ASCC3: variants seen among roughly 807,000 people sequenced by gnomAD.
The protein encoded by ASCC3 is activating signal cointegrator 1 complex subunit 3.
Under a neutral mutation model 256.3 loss-of-function variants are expected in ASCC3, and 158 were observed. That is an observed-to-expected ratio of 0.62 (90% CI 0.54 to 0.70). The LOEUF is 0.70. Among genes scored for constraint, ASCC3 ranks in the 30% least tolerant of loss-of-function variants. The pLI, the probability that ASCC3 is intolerant of heterozygous loss-of-function variation, is 0.00. For missense variants in ASCC3, 2,259 were observed against 2,626.0 expected (o/e 0.86, Z 3.05); for synonymous variants, 948 against 883.4 (o/e 1.07, Z -1.30).
At chr6:100,676,543 C>A (rs1435844194) in intron 14 of ASCC3, among the ~76,000 whole-genome samples, 4 of 152,158 alleles carry the variant, frequency 2.6e-5, no homozygotes, top group African/African-American at 9.7e-5. Flanking sequence ...CTTTCCTTTC[C>A]TTTCCCTACA....
At chr6:100,725,495 A>G (rs368933337) in intron 11 of ASCC3, 44 bp downstream of exon 11, 2 of 1,594,050 alleles carry the variant, frequency 1.3e-6, no homozygotes, top group African/African-American at 1.3e-5. Context: ...GTTGAAAAAC[A>G]TATTTATCCC....
chr6:100,766,777 C>G, intron 9 of ASCC3, 72 bp from the exon 10 acceptor site: 1 of 1,556,886 alleles, frequency 6.4e-7, no homozygotes, highest in East Asian at 2.2e-5. Flanking sequence ...GTAGCCAATA[C>G]AAGTCACAAT....
chr6:100,712,697 G>A (rs1178425734), intron 13 of ASCC3, among the ~76,000 whole-genome samples: 1 of 150,384 alleles, frequency 6.6e-6, no homozygotes, highest in Non-Finnish European at 1.5e-5. Context: ...AGATAGTTTG[G>A]TAGTTTTTTA....
chr6:100,768,307 G>C (rs1474823718), intron 8 of ASCC3, among the ~76,000 whole-genome samples: 4 of 151,970 alleles, frequency 2.6e-5, no homozygotes, highest in Non-Finnish European at 5.9e-5. Context: ...AAGAAACTAA[G>C]ACACAGAGCG....
intron 37 of ASCC3, chr6:100,530,557 C>T: frequency 2.6e-6 from 2 of 784,020 alleles, no homozygotes; most frequent in Admixed American, 3.4e-5. Context: ...GATGGCCTGG[C>T]ACTCAATCCA....
intron 3 of ASCC3, chr6:100,858,652 C>T: frequency 2.0e-6 from 2 of 998,492 alleles, no homozygotes; most frequent in East Asian, 1.0e-4. Flanking sequence ...CTTGATCACA[C>T]ACACACATCA....
chr6:100,592,297 G>GT (rs892179505), intron 34 of ASCC3, among the ~76,000 whole-genome samples: 26 of 150,898 alleles, frequency 1.7e-4, no homozygotes, highest in Middle Eastern at 3.6e-3. Flanking sequence ...TCTTAACACA[G>GT]TTTTTTTTTC....
At chr6:100,739,900 T>G (rs73504907) in intron 10 of ASCC3, among the ~76,000 whole-genome samples, 3,101 of 152,242 alleles carry the variant, frequency 0.02, 104 homozygotes, top group African/African-American at 0.072. Context: ...GATTCATTGA[T>G]TTTTTGAAGG....
At chr6:100,554,688 G>A (rs1769479434) in intron 36 of ASCC3, among the ~76,000 whole-genome samples, 1 of 152,056 alleles carries the variant, frequency 6.6e-6, no homozygotes, top group Non-Finnish European at 1.5e-5. Context: ...AAACATTTCA[G>A]TAAATTTCCC....
chr6:100,861,263 C>A (rs543449223), intron 3 of ASCC3, among the ~76,000 whole-genome samples: 1 of 152,166 alleles, frequency 6.6e-6, no homozygotes. Context: ...CTTTAATGGG[C>A]CCTGTTTCTT....
intron 24 of ASCC3, 144 bp downstream of exon 24, chr6:100,642,437 A>C: frequency 1.2e-6 from 1 of 851,120 alleles, no homozygotes; most frequent in Non-Finnish European, 1.9e-6. Flanking sequence ...TAAATGATGA[A>C]TGACAAATGA....
chr6:100,737,744 C>T (rs748621036), intron 10 of ASCC3, among the ~76,000 whole-genome samples: 1 of 152,148 alleles, frequency 6.6e-6, no homozygotes, highest in Non-Finnish European at 1.5e-5. Flanking sequence ...GTTATATACC[C>T]AGTAATGGGA....
intron 10 of ASCC3, among the ~76,000 whole-genome samples, chr6:100,747,148 A>AC (rs397937850): frequency 1.3e-5 from 2 of 151,892 alleles, no homozygotes; most frequent in Non-Finnish European, 2.9e-5. Context: ...AAAAAAAAAA[A>AC]CATAAAAAGA....
At chr6:100,652,952 T>C (rs1775742306) in intron 17 of ASCC3, 63 bp from the exon 18 acceptor site, 2 of 1,460,466 alleles carry the variant, frequency 1.4e-6, no homozygotes, top group African/African-American at 1.4e-5. Flanking sequence ...TGCAAACATA[T>C]ATTTATTTAT....
At chr6:100,858,582 T>C (rs1773072012) in intron 3 of ASCC3, 3 of 985,816 alleles carry the variant, frequency 3.0e-6, no homozygotes, top group Non-Finnish European at 3.6e-6. Flanking sequence ...TTTAAACCTT[T>C]ATTACTTTAC....
At chr6:100,571,424 A>T (rs2114725284) in intron 36 of ASCC3, among the ~76,000 whole-genome samples, 1 of 152,212 alleles carries the variant, frequency 6.6e-6, no homozygotes, top group Middle Eastern at 3.4e-3. Flanking sequence ...ATTCACCTGA[A>T]ATTACATGTG....
In ASCC3 at chr6:100,671,916, C is replaced by T. The variant is rs1776769482; in HGVS notation, c.2286+7702G>A. On this transcript the variant is annotated intron_variant, in intron 14 of 41. Transcript: ENST00000369162. ...ACATCTGGTCCTTGCCTAGATTAGA[C>T]TCATGCCACATAGTTGCCATCTGCC... Among the ~76,000 whole-genome samples, 3 of 152,126 alleles carry T rather than the reference C, an allele frequency of 2.0e-5. No homozygotes were observed. The South Asian group carries it at 6.2e-4, about 32-fold the overall frequency.
chr6:100,509,249 A>C lies in ASCC3; in HGVS notation c.*137T>G, dbSNP rs1773637462. 1 of 1,151,068 alleles carries C rather than the reference A, an allele frequency of 8.7e-7. No individual in the cohort carries two copies. Among genetic ancestry groups the C allele is most frequent in the Admixed American group, 1.7e-5 (1 of 58,724 alleles). 71.3% of individuals were successfully genotyped at this position (1,151,068 alleles called of 1,614,324 possible). A position where few individuals can be genotyped will look rare whatever the true frequency, so the allele number is the denominator to read the frequency against. On this transcript the variant is annotated 3_prime_UTR_variant, in exon 42 of 42. Transcript: ENST00000369162. ...TTTATGTCACTGGAGTCAATACTGC[A>C]GCCACTGTCAATTTCCTGGATGGTT... is the stretch of plus-strand genomic sequence containing the variant.
intron 26 of ASCC3, among the ~76,000 whole-genome samples, chr6:100,629,609 T>G (rs759247790): frequency 2.8e-4 from 43 of 152,324 alleles, no homozygotes; most frequent in Non-Finnish European, 5.3e-4. Flanking sequence ...GGATTATGTG[T>G]AAATTTAATT....
Sources: gnomAD v4.1 joint callset for allele counts (sites outside exome capture counted in the v4.1 genomes callset) on GRCh38, gnomAD v4.1.1 for gene constraint, MANE v1.5 for transcripts, NCBI Gene and HGNC (gene_info 2026-07-23, HGNC 2026-07-21) for gene names.